The following TAFA4 variants were observed in gnomAD, a reference collection of about 807,000 sequenced individuals.
TAFA4 encodes chemokine-like protein TAFA-4.
TAFA4 carries 20 observed loss-of-function variants against 21.1 expected under a neutral mutation model. The observed-to-expected ratio is 0.95, with a 90% confidence interval of 0.67 to 1.38. The LOEUF is 1.38. TAFA4 is among the 40% of genes most tolerant of loss of function. The probability of loss-of-function intolerance (pLI) is 0.00; values close to 1 mark genes in which losing one functional copy is unlikely to be tolerated. For synonymous variants in TAFA4, 71 were observed against 67.4 expected (o/e 1.05, Z -0.26); for missense variants, 211 against 180.9 (o/e 1.17, Z -0.95).
chr3:68,753,651 A>G (rs1249015726), intron 3 of TAFA4, among the ~76,000 whole-genome samples: 1 of 152,086 alleles, frequency 6.6e-6, no homozygotes, highest in Non-Finnish European at 1.5e-5. Flanking sequence ...GTTGATTTTA[A>G]GAGAGGCAGT....
intron 1 of TAFA4, among the ~76,000 whole-genome samples, chr3:68,927,117 C>G (rs979649069): frequency 6.6e-6 from 1 of 152,120 alleles, no homozygotes; most frequent in Non-Finnish European, 1.5e-5. Flanking sequence ...CCCATTGGAG[C>G]AATTTTAAGT....
chr3:68,778,235 T>C (rs1011457970), intron 3 of TAFA4, among the ~76,000 whole-genome samples: 2 of 152,146 alleles, frequency 1.3e-5, no homozygotes, highest in African/African-American at 2.4e-5. Flanking sequence ...ACAGGTAACT[T>C]TGAATGGCTA....
At chr3:68,859,015 C>T (rs548147364) in intron 3 of TAFA4, among the ~76,000 whole-genome samples, 1 of 151,176 alleles carries the variant, frequency 6.6e-6, no homozygotes, top group African/African-American at 2.4e-5. Flanking sequence ...GGGGGGCAGC[C>T]AGAAGCCAGC....
intron 3 of TAFA4, among the ~76,000 whole-genome samples, chr3:68,799,393 G>A (rs551392576): frequency 6.6e-6 from 1 of 152,136 alleles, no homozygotes; most frequent in African/African-American, 2.4e-5. Flanking sequence ...TCCCACTGAT[G>A]AGGCCCCTGC....
intron 3 of TAFA4, among the ~76,000 whole-genome samples, chr3:68,834,158 G>A (rs1265409468): frequency 5.9e-5 from 9 of 152,142 alleles, no homozygotes; most frequent in Non-Finnish European, 1.3e-4. Flanking sequence ...TCATTCCCTG[G>A]AAGGATCCCT....
intron 3 of TAFA4, among the ~76,000 whole-genome samples, chr3:68,813,820 G>T (rs1387080805): frequency 2.6e-5 from 4 of 152,030 alleles, no homozygotes; most frequent in Non-Finnish European, 4.4e-5. Context: ...ATTTTATGAG[G>T]ACAGCATCAT....
rs144606891 is a variant in TAFA4 at position 68,849,716 on chromosome 3, T to A, written c.130+31014A>T. 2.8e-4 allele frequency among the ~76,000 whole-genome samples: 43 copies of A among 152,240 alleles called. No homozygotes were observed. The East Asian group carries it at 7.4e-3, about 26-fold the overall frequency. ...AACATTAAGTCATGAAGTTTTGGAG[T>A]GGTTGCTTACATAGCAATGAAACAC... is the stretch of plus-strand genomic sequence containing the variant. On this transcript the variant is annotated intron_variant, in intron 3 of 5. Transcript: ENST00000295569.
At chr3:68,742,071 A>G (rs1483752840) in intron 4 of TAFA4, among the ~76,000 whole-genome samples, 2 of 152,228 alleles carry the variant, frequency 1.3e-5, no homozygotes, top group African/African-American at 4.8e-5. Flanking sequence ...ATGCTTAATC[A>G]ATAAATGTGA....
At chr3:68,870,085 C>T (rs748235021) in intron 3 of TAFA4, among the ~76,000 whole-genome samples, 7 of 151,784 alleles carry the variant, frequency 4.6e-5, no homozygotes, top group Non-Finnish European at 8.8e-5. Context: ...AATCAAGGCA[C>T]CAACATCATT....
intron 1 of TAFA4, among the ~76,000 whole-genome samples, chr3:68,928,375 C>T (rs529162436): frequency 1.6e-4 from 25 of 152,258 alleles, no homozygotes; most frequent in African/African-American, 3.9e-4. Context: ...CTAGTACTGG[C>T]TTTTATAGCA....
chr3:68,823,879 G>A (rs534583057), intron 3 of TAFA4, among the ~76,000 whole-genome samples: 2 of 152,270 alleles, frequency 1.3e-5, no homozygotes, highest in East Asian at 3.9e-4. Flanking sequence ...TGTTAATAAA[G>A]TACAAATATT....
At chr3:68,901,579 A>C (rs1298340097) in intron 1 of TAFA4, among the ~76,000 whole-genome samples, 2 of 152,174 alleles carry the variant, frequency 1.3e-5, no homozygotes, top group Non-Finnish European at 2.9e-5. Flanking sequence ...ATTTAAAATC[A>C]AGTTCATCAG....
intron 3 of TAFA4, among the ~76,000 whole-genome samples, chr3:68,788,152 G>A (rs928368456): frequency 6.6e-6 from 1 of 152,138 alleles, no homozygotes; most frequent in Non-Finnish European, 1.5e-5. Context: ...TGTGTAACAC[G>A]TGGCTGCACT....
At chr3:68,820,485 G>C (rs146267900) in intron 3 of TAFA4, among the ~76,000 whole-genome samples, 1,763 of 151,944 alleles carry the variant, frequency 0.012, 30 homozygotes, top group Middle Eastern at 0.02. Context: ...AGAGCAGCCT[G>C]AACAACATAG....
At chr3:68,754,677 T>C (rs1395351492) in intron 3 of TAFA4, among the ~76,000 whole-genome samples, 1 of 152,236 alleles carries the variant, frequency 6.6e-6, no homozygotes, top group Non-Finnish European at 1.5e-5. Flanking sequence ...GGAGATATAT[T>C]AGTGAGACTA....
intron 3 of TAFA4, among the ~76,000 whole-genome samples, chr3:68,787,707 C>T (rs1703286713): frequency 1.3e-5 from 2 of 152,200 alleles, no homozygotes; most frequent in Admixed American, 6.5e-5. Context: ...ATGGTACAGT[C>T]CCTGACTGCA....
chr3:68,749,064 A>G (rs1165777919), intron 4 of TAFA4, among the ~76,000 whole-genome samples: 2 of 152,208 alleles, frequency 1.3e-5, no homozygotes, highest in Admixed American at 1.3e-4. Flanking sequence ...CTGTTTTAGG[A>G]CCCATACCAC....
chr3:68,738,605 T>C (rs761063319), intron 5 of TAFA4, among the ~76,000 whole-genome samples: 1 of 152,180 alleles, frequency 6.6e-6, no homozygotes, highest in Non-Finnish European at 1.5e-5. Flanking sequence ...GGGTAGACAA[T>C]GGTGTTCTTC....
At chr3:68,773,889 A>G (rs1260824836) in intron 3 of TAFA4, among the ~76,000 whole-genome samples, 1 of 152,228 alleles carries the variant, frequency 6.6e-6, no homozygotes, top group Non-Finnish European at 1.5e-5. Context: ...AAAAACTTAT[A>G]GCAAGCGTGA....
Sources: allele counts gnomAD v4.1 joint callset (sites outside exome capture counted in the v4.1 genomes callset), GRCh38; gene constraint gnomAD v4.1.1; transcripts MANE v1.5; gene names NCBI Gene and HGNC (gene_info 2026-07-23, HGNC 2026-07-21).